The following XIRP2 variants were observed in gnomAD, a reference collection of about 807,000 sequenced individuals.
XIRP2 encodes the protein xin actin binding repeat containing 2, also known as xin actin-binding repeat-containing protein 2.
A neutral mutation model predicts 277.0 loss-of-function variants in XIRP2; 236 were observed. The observed-to-expected ratio is 0.85, with a 90% CI of 0.77 to 0.95. The LOEUF (loss-of-function observed/expected upper bound fraction) is 0.95, where lower values mean the gene tolerates loss of function less well. XIRP2 is among the 40% of genes least tolerant of loss of function. The pLI, the probability that XIRP2 is intolerant of heterozygous loss-of-function variation, is 0.00. For missense variants in XIRP2, 4,640 were observed against 4,157.5 expected, an observed-to-expected ratio of 1.12 and a Z score of -3.19; for synonymous variants, 1,490 against 1,416.5, an observed-to-expected ratio of 1.05 and a Z score of -1.17.
At position 166,903,569 on chromosome 2, in the gene XIRP2, G is replaced by A. The variant is rs368840398; in HGVS notation, c.87G>A (p.Arg29=). ...CDYQRSECHP[R]DSHCTIFQPQ... is the part of the protein sequence containing the mutation. ...ATCAGAGAAGTGAGTGTCATCCCAG[G>A]GACAGCCATTGTACAATTTTCCAGC... The change falls in exon 2 of 11, where the codon AGG becomes AGA. Residue 29 remains arginine (R), a synonymous_variant. Coordinates refer to ENST00000409195, the MANE Select transcript of XIRP2 (RefSeq NM_152381.6). The A allele has an allele frequency of 1.4e-5, 23 of 1,613,444 alleles. No individual in the cohort carries two copies. Among genetic ancestry groups the A allele is most frequent in the African/African-American group, 6.7e-5 (5 of 74,860 alleles).
Position 167,249,259 on chromosome 2 carries a change from G to A in XIRP2, c.7867G>A (p.Val2623Met), listed in dbSNP as rs1273620099. ...GSQSNARILG[V>M]CSDNQLSTTS... ...TCAAAGTAATGCTCGGATACTAGGA[G>A]TGTGTTCTGATAACCAACTCTCCAC... Residue 2623 changes from valine (V) to methionine (M), a missense_variant, in exon 9 of 11, where the codon GTG becomes ATG. Coordinates refer to ENST00000409195, the MANE Select transcript of XIRP2 (RefSeq NM_152381.6). The A allele has an allele frequency of 1.2e-6, 2 of 1,613,680 alleles. No homozygotes were observed. Among genetic ancestry groups the A allele is most frequent in the African/African-American group, 1.3e-5 (1 of 74,880 alleles).
At chr2:167,162,517 G>A (rs1282087760) in intron 3 of XIRP2, among the ~76,000 whole-genome samples, 5 of 152,096 alleles carry the variant, frequency 3.3e-5, no homozygotes. Context: ...CAGATCTCGT[G>A]AGACTTATTC....
At chr2:167,115,182 T>C (rs1303052826) in intron 2 of XIRP2, among the ~76,000 whole-genome samples, 1 of 152,148 alleles carries the variant, frequency 6.6e-6, no homozygotes, top group East Asian at 1.9e-4. Context: ...GCAATTCTTA[T>C]AGTGTGTTTT....
chr2:167,240,122 A>C (rs931894674), intron 6 of XIRP2, among the ~76,000 whole-genome samples, 157 bp downstream of exon 6: 1 of 151,924 alleles, frequency 6.6e-6, no homozygotes, highest in Non-Finnish European at 1.5e-5. Context: ...TTCTTTTAAA[A>C]GTAAAATAGG....
intron 3 of XIRP2, among the ~76,000 whole-genome samples, chr2:167,153,923 C>A (rs1487218975): frequency 6.6e-6 from 1 of 151,392 alleles, no homozygotes; most frequent in East Asian, 1.9e-4. Flanking sequence ...GGCATATACC[C>A]AGTAATGGGA....
intron 10 of XIRP2, among the ~76,000 whole-genome samples, chr2:167,256,166 A>G (rs1695648900): frequency 6.6e-6 from 1 of 151,522 alleles, no homozygotes; most frequent in Admixed American, 6.6e-5. Context: ...TGTATCAAGA[A>G]AGTTTGTTTT....
In XIRP2 at chr2:167,245,207, T is replaced by C; in HGVS notation, c.3815T>C (p.Val1272Ala). ...KTVTDIQGGD[V>A]RKGCFIFETF... is the part of the protein sequence containing the mutation. Reference sequence around the variant, plus strand: ...GTGACAGACATACAAGGTGGGGATGTAAGAAAGGGGTGCTTTATTTTTGAG... The same window carrying C: ...GTGACAGACATACAAGGTGGGGATGCAAGAAAGGGGTGCTTTATTTTTGAG... The change falls in exon 9 of 11, where the codon GTA (valine) becomes GCA (alanine). Residue 1272 changes from valine to alanine, a missense_variant. Physicochemically the swap from Val to Ala is moderately conservative, Grantham distance 64. Coordinates refer to ENST00000409195, the MANE Select transcript of XIRP2 (RefSeq NM_152381.6). The C allele has an allele frequency of 6.2e-7, 1 of 1,613,660 alleles. No individual in the cohort carries two copies. Among genetic ancestry groups the C allele is most frequent in the South Asian group, 1.1e-5 (1 of 91,066 alleles).
At chr2:166,950,529 A>G (rs1251689146) in intron 2 of XIRP2, among the ~76,000 whole-genome samples, 1 of 152,108 alleles carries the variant, frequency 6.6e-6, no homozygotes, top group Non-Finnish European at 1.5e-5. Flanking sequence ...TAGTGGAAGC[A>G]TAATTATAGG....
intron 2 of XIRP2, among the ~76,000 whole-genome samples, chr2:167,026,866 C>CGA (rs1688176874): frequency 6.6e-6 from 1 of 151,924 alleles, no homozygotes; most frequent in South Asian, 2.1e-4. Flanking sequence ...GAGTTTCTGC[C>CGA]GAGATCCGCT....
At chr2:167,204,635 A>C (rs1460225258) in intron 3 of XIRP2, among the ~76,000 whole-genome samples, 1 of 152,232 alleles carries the variant, frequency 6.6e-6, no homozygotes, top group Non-Finnish European at 1.5e-5. Context: ...TCTGACACAT[A>C]GAAAGCACTT....
chr2:167,208,198 A>T (rs147929730), intron 3 of XIRP2, among the ~76,000 whole-genome samples: 2 of 152,358 alleles, frequency 1.3e-5, no homozygotes, highest in African/African-American at 4.8e-5. Context: ...TTTCTAACAG[A>T]AATAGTCATT....
At chr2:167,252,006 GC>G (rs762047340) in intron 9 of XIRP2, 59 bp downstream of exon 9, 26 of 1,507,542 alleles carry the variant, frequency 1.7e-5, no homozygotes, top group Non-Finnish European at 2.1e-5. Context: ...GTGTTCCATA[GC>G]CAAAATGATG....
intron 2 of XIRP2, among the ~76,000 whole-genome samples, chr2:167,029,674 T>G (rs1192078332): frequency 2.6e-5 from 4 of 152,042 alleles, no homozygotes; most frequent in Non-Finnish European, 5.9e-5. Context: ...TTTCTTTTGT[T>G]GTTGTGTCTC....
intron 2 of XIRP2, among the ~76,000 whole-genome samples, chr2:167,037,293 C>A (rs1044159515): frequency 5.9e-5 from 9 of 152,092 alleles, no homozygotes; most frequent in Non-Finnish European, 8.8e-5. Flanking sequence ...CAAGGATGGA[C>A]CATGTGTTAG....
At chr2:167,142,043 A>G (rs1691735469) in intron 3 of XIRP2, among the ~76,000 whole-genome samples, 1 of 152,116 alleles carries the variant, frequency 6.6e-6, no homozygotes, top group South Asian at 2.1e-4. Context: ...AAATCCTCAT[A>G]TCTTGCCACT....
chr2:167,013,489 A>G (rs921608434), intron 2 of XIRP2, among the ~76,000 whole-genome samples: 3 of 151,504 alleles, frequency 2.0e-5, no homozygotes, highest in African/African-American at 7.3e-5. Flanking sequence ...ATAAGATCCC[A>G]AGTGATAATG....
In XIRP2 at chr2:166,954,451, C is replaced by T. The variant is rs143269030; in HGVS notation, c.408+50561C>T. Among the ~76,000 whole-genome samples the T allele has an allele frequency of 2.4e-4, 36 of 151,898 alleles. No individual in the cohort carries two copies. In the East Asian group the frequency reaches 6.0e-3, roughly 26 times the overall value. On this transcript the variant is annotated intron_variant, in intron 2 of 10. Transcript: ENST00000409195. ...TGGTGAGGTTGTGGAGGAATAGGAACGCTTTTACACTGTTGGTGGGAATGT... is the reference window on the plus strand; with the variant it reads ...TGGTGAGGTTGTGGAGGAATAGGAATGCTTTTACACTGTTGGTGGGAATGT...
At chr2:166,987,768 T>A (rs948206689) in intron 2 of XIRP2, among the ~76,000 whole-genome samples, 5 of 152,212 alleles carry the variant, frequency 3.3e-5, no homozygotes, top group Non-Finnish European at 7.3e-5. Context: ...CTCAGGGGTC[T>A]ACTTGAAGGA....
At chr2:167,100,191 T>A (rs913276271) in intron 2 of XIRP2, among the ~76,000 whole-genome samples, 3 of 151,890 alleles carry the variant, frequency 2.0e-5, no homozygotes, top group Admixed American at 1.3e-4. Flanking sequence ...TAAAAAAAAA[T>A]TACAAAATCA....
Sources: allele counts gnomAD v4.1 joint callset (sites outside exome capture counted in the v4.1 genomes callset), GRCh38; gene constraint gnomAD v4.1.1; transcripts MANE v1.5; gene names NCBI Gene and HGNC (gene_info 2026-07-23, HGNC 2026-07-21).